Variants in CEMIP observed in about 807,000 individuals in gnomAD.
CEMIP encodes cell migration-inducing and hyaluronan-binding protein.
Under a neutral mutation model 156.9 loss-of-function variants are expected in CEMIP, and 105 were observed. The ratio of observed to expected loss-of-function variants is 0.67; its 90% CI spans 0.57 to 0.79. The LOEUF (loss-of-function observed/expected upper bound fraction) is 0.79, where lower values mean the gene tolerates loss of function less well. CEMIP is among the 30% of genes least tolerant of loss of function. CEMIP has a pLI of 0.00. For synonymous variants in CEMIP, 676 were observed against 668.4 expected, an observed-to-expected ratio of 1.01 and a Z score of -0.17; for missense variants, 1,457 against 1,769.4, an observed-to-expected ratio of 0.82 and a Z score of 3.17.
In CEMIP at chr15:80,887,490, C is replaced by T. The variant is rs758511357; in HGVS notation, c.798-204C>T. ...AGCAAACATCAGGCAGGCCAGGGAGCGAGAAAGCCCAGAGGAGTGCTTGCA... is the reference window on the plus strand; with the variant it reads ...AGCAAACATCAGGCAGGCCAGGGAGTGAGAAAGCCCAGAGGAGTGCTTGCA... On this transcript the variant is annotated intron_variant, in intron 7 of 29. Coordinates refer to ENST00000394685, the MANE Select transcript of CEMIP (RefSeq NM_001293298.2). 9.2e-5 allele frequency among the ~76,000 whole-genome samples: 14 copies of T among 152,182 alleles called. No homozygotes were observed. In the South Asian group the frequency reaches 2.9e-3, roughly 32 times the overall value.
Position 80,933,349 on chromosome 15 carries a change from C to T in CEMIP, c.2898C>T (p.Ser966=), listed in dbSNP as rs771137907. 20 of 1,614,044 alleles carry T rather than the reference C, an allele frequency of 1.2e-5. No individual in the cohort carries two copies. Among genetic ancestry groups the T allele is most frequent in the African/African-American group, 2.7e-5 (2 of 74,918 alleles). Residue 966 remains serine, a synonymous_variant, in exon 23 of 30, where the codon TCC becomes TCT. Transcript: ENST00000394685. ...TCCATGACGTCGACGGCTCCGTGTC[C>T]GAGTACCCTGGCTCCTACCTCACGA... ...SVFHDVDGSV[S]EYPGSYLTKN...
Position 80,932,712 on chromosome 15 carries a change from C to T in CEMIP, c.2794-533C>T, listed in dbSNP as rs1367750737. Among the ~76,000 whole-genome samples, 1 of 152,208 alleles carries T rather than the reference C, an allele frequency of 6.6e-6. No individual in the cohort carries two copies. Among genetic ancestry groups the T allele is most frequent in the Non-Finnish European group, 1.5e-5 (1 of 68,044 alleles). ...AAACTGAAATGACTTAATGTCTTTA[C>T]TCAGGCAACTGAGAGCCTGAAAGAG... On this transcript the variant is annotated intron_variant, in intron 22 of 29. Coordinates refer to ENST00000394685, the MANE Select transcript of CEMIP (RefSeq NM_001293298.2). The surrounding 1 kb of genome is among the most constrained non-coding windows in gnomAD (Gnocchi z 4.5).
chr15:80,894,109 TG>T (rs1194224166), intron 10 of CEMIP, among the ~76,000 whole-genome samples: 5 of 152,180 alleles, frequency 3.3e-5, no homozygotes, highest in African/African-American at 1.2e-4. Flanking sequence ...CCTCACTCTG[TG>T]CCAGGCCCTG....
At chr15:80,840,607 C>T (rs1421205823) in intron 1 of CEMIP, among the ~76,000 whole-genome samples, 5 of 152,154 alleles carry the variant, frequency 3.3e-5, no homozygotes, top group South Asian at 2.1e-4. Flanking sequence ...TAAACAGGCC[C>T]GTGCAGGGGG....
intron 1 of CEMIP, among the ~76,000 whole-genome samples, chr15:80,793,161 G>C (rs1335357345): frequency 1.3e-5 from 2 of 152,162 alleles, no homozygotes; most frequent in African/African-American, 4.8e-5. Context: ...GTGGCAGCAG[G>C]TTGGTGCAAT....
Position 80,823,026 on chromosome 15 carries a change from T to C in CEMIP, c.-176+43412T>C, listed in dbSNP as rs144628276. Among the ~76,000 whole-genome samples, 679 of 152,260 alleles carry C rather than the reference T, an allele frequency of 4.5e-3. 3 individuals carry two copies. Among genetic ancestry groups the C allele is most frequent in the Non-Finnish European group, 6.0e-3 (410 of 68,020 alleles). On this transcript the variant is annotated intron_variant, in intron 1 of 29. Coordinates refer to ENST00000394685, the MANE Select transcript of CEMIP (RefSeq NM_001293298.2). ...TGTGTGGTCCTGAAAAATTGCTGAATGTTTCTGGGCATCCGCTATTTTGCA... is the reference window on the plus strand; with the variant it reads ...TGTGTGGTCCTGAAAAATTGCTGAACGTTTCTGGGCATCCGCTATTTTGCA...
chr15:80,930,118 AG>A (rs1900851233), intron 21 of CEMIP, among the ~76,000 whole-genome samples: 1 of 152,238 alleles, frequency 6.6e-6, no homozygotes, highest in Admixed American at 6.5e-5. Context: ...CTCTTTCTCT[AG>A]GAAGATATAA....
At chr15:80,794,519 A>G (rs1248898871) in intron 1 of CEMIP, among the ~76,000 whole-genome samples, 1 of 152,234 alleles carries the variant, frequency 6.6e-6, no homozygotes, top group East Asian at 1.9e-4. Flanking sequence ...CCCCACTAAG[A>G]CAAAGTTTAA....
intron 14 of CEMIP, among the ~76,000 whole-genome samples, chr15:80,911,714 G>A (rs1017471406): frequency 1.3e-5 from 2 of 152,238 alleles, no homozygotes; most frequent in African/African-American, 4.8e-5. Flanking sequence ...CCTGTGAAAT[G>A]TTTTTGGCTG....
intron 12 of CEMIP, among the ~76,000 whole-genome samples, chr15:80,898,948 C>T (rs1481043193): frequency 6.6e-6 from 1 of 152,174 alleles, no homozygotes; most frequent in Non-Finnish European, 1.5e-5. Flanking sequence ...GGCGCGGTGG[C>T]TCACGTCTGT....
chr15:80,939,492 A>C (rs1012382541), intron 25 of CEMIP, among the ~76,000 whole-genome samples: 5 of 152,248 alleles, frequency 3.3e-5, no homozygotes, highest in African/African-American at 1.2e-4. Context: ...AGTCCCTGGG[A>C]TACCATCCAT....
At chr15:80,891,516 T>G (rs1899031814) in intron 10 of CEMIP, among the ~76,000 whole-genome samples, 1 of 152,234 alleles carries the variant, frequency 6.6e-6, no homozygotes. Context: ...TATTTGAGGT[T>G]CAGAGAACAG....
At chr15:80,799,647 A>G (rs1163758662) in intron 1 of CEMIP, among the ~76,000 whole-genome samples, 1 of 152,224 alleles carries the variant, frequency 6.6e-6, no homozygotes, top group Non-Finnish European at 1.5e-5. Context: ...ATTATTGACA[A>G]TAGCAAAGAT....
In CEMIP at chr15:80,817,119, A is replaced by G. The variant is rs141603920; in HGVS notation, c.-176+37505A>G. On this transcript the variant is annotated intron_variant, in intron 1 of 29. Coordinates refer to ENST00000394685, the MANE Select transcript of CEMIP (RefSeq NM_001293298.2). The stretch of plus-strand genomic sequence containing the variant: ...GGTGAAGGAGGAAGGAGCTAAAATG[A>G]CGATACCTTGGCTGATGTAATTATT... 3.3e-5 allele frequency among the ~76,000 whole-genome samples: 5 copies of G among 152,266 alleles called. No homozygotes were observed. In the East Asian group the frequency reaches 5.8e-4, roughly 18 times the overall value.
intron 17 of CEMIP, among the ~76,000 whole-genome samples, chr15:80,924,412 G>A (rs1900580388): frequency 6.6e-6 from 1 of 152,148 alleles, no homozygotes; most frequent in African/African-American, 2.4e-5. Flanking sequence ...CCTCAAAGAG[G>A]TCAAATATTC....
intron 16 of CEMIP, 28 bp downstream of exon 16, chr15:80,921,129 G>T: frequency 6.2e-7 from 1 of 1,601,304 alleles, no homozygotes; most frequent in East Asian, 2.2e-5. Context: ...TTCTTTGGCA[G>T]AAAGTGAGGG....
At chr15:80,857,423 C>G (rs80126360) in intron 1 of CEMIP, among the ~76,000 whole-genome samples, 1 of 152,212 alleles carries the variant, frequency 6.6e-6, no homozygotes, top group Non-Finnish European at 1.5e-5. Context: ...TTCATGGCAT[C>G]CTCTGTGTTT....
chr15:80,795,419 G>T (rs1236044914), intron 1 of CEMIP, among the ~76,000 whole-genome samples: 2 of 151,930 alleles, frequency 1.3e-5, no homozygotes, highest in Non-Finnish European at 2.9e-5. Flanking sequence ...AAGTGTGGGT[G>T]GATCCAGCTG....
chr15:80,876,523 C>A (rs1351066186), intron 3 of CEMIP, among the ~76,000 whole-genome samples: 3 of 152,236 alleles, frequency 2.0e-5, no homozygotes, highest in African/African-American at 7.2e-5. Context: ...ATGTGAAATT[C>A]TTTTCTTGAT....
Sources: gnomAD v4.1 joint callset for allele counts (sites outside exome capture counted in the v4.1 genomes callset) on GRCh38, gnomAD v4.1.1 for gene constraint, Gnocchi (gnomAD v3.1) non-coding constraint, MANE v1.5 for transcripts, NCBI Gene and HGNC (gene_info 2026-07-23, HGNC 2026-07-21) for gene names.